The following SYT1 variants were observed in gnomAD, a reference collection of about 807,000 sequenced individuals.
SYT1 encodes synaptotagmin 1.
A neutral mutation model predicts 44.8 loss-of-function variants in SYT1; 8 were observed. The observed-to-expected ratio is 0.18, with a 90% CI of 0.10 to 0.32. The LOEUF (loss-of-function observed/expected upper bound fraction) is 0.32, where lower values mean the gene tolerates loss of function less well. SYT1 is among the 10% of genes least tolerant of loss of function. SYT1 has a pLI of 1.00. For missense variants in SYT1, 286 were observed against 509.3 expected, an observed-to-expected ratio of 0.56 and a Z score of 4.22; for synonymous variants, 154 against 188.8, an observed-to-expected ratio of 0.82 and a Z score of 1.51.
At chr12:79,312,433 G>C (rs1407641999) in intron 8 of SYT1, among the ~76,000 whole-genome samples, 29 of 152,128 alleles carry the variant, frequency 1.9e-4, no homozygotes, top group Admixed American at 1.9e-3. Flanking sequence ...TGTGATATTT[G>C]CATGGAACTG....
At chr12:79,069,791 A>G (rs1029633740) in intron 3 of SYT1, among the ~76,000 whole-genome samples, 11 of 152,034 alleles carry the variant, frequency 7.2e-5, no homozygotes, top group Non-Finnish European at 1.3e-4. Context: ...TTTTATTTTA[A>G]TGGGAGTAAA....
At chr12:78,958,265 A>G (rs557429863) in intron 1 of SYT1, among the ~76,000 whole-genome samples, 2 of 152,250 alleles carry the variant, frequency 1.3e-5, no homozygotes, top group African/African-American at 2.4e-5. Flanking sequence ...TCTTTTTAAA[A>G]TTTATTTCAC....
intron 3 of SYT1, among the ~76,000 whole-genome samples, chr12:79,069,550 T>C (rs1876121881): frequency 6.6e-6 from 1 of 151,696 alleles, no homozygotes; most frequent in South Asian, 2.1e-4. Flanking sequence ...ATTATAATAT[T>C]AATTTTAATA....
chr12:79,267,575 C>T lies in SYT1; in HGVS notation c.167-18212C>T, dbSNP rs148816761. Among the ~76,000 whole-genome samples, 11 of 152,302 alleles carry T rather than the reference C, an allele frequency of 7.2e-5. No homozygotes were observed. The East Asian group carries it at 2.1e-3, about 29-fold the overall frequency. On this transcript the variant is annotated intron_variant, in intron 4 of 10. Coordinates refer to ENST00000261205, the MANE Select transcript of SYT1 (RefSeq NM_005639.3). The stretch of plus-strand genomic sequence containing the variant: ...AGTTTTGAACTTAGAAATCAGAACT[C>T]AAGAAAGACATACTGAAAATTTCAT...
At chr12:79,346,540 T>C (rs1882615252) in intron 8 of SYT1, among the ~76,000 whole-genome samples, 1 of 152,176 alleles carries the variant, frequency 6.6e-6, no homozygotes, top group Non-Finnish European at 1.5e-5. Context: ...CATGAGATAA[T>C]CACACCAGCA....
intron 4 of SYT1, among the ~76,000 whole-genome samples, chr12:79,265,470 A>G (rs750579433): frequency 1.3e-5 from 2 of 152,160 alleles, no homozygotes; most frequent in African/African-American, 2.4e-5. Flanking sequence ...ATTAAGCCTG[A>G]TAGTACTATA....
At chr12:79,075,788 C>T (rs1007685270) in intron 3 of SYT1, among the ~76,000 whole-genome samples, 2 of 152,098 alleles carry the variant, frequency 1.3e-5, no homozygotes, top group Admixed American at 1.3e-4. Flanking sequence ...TAATTTTGCC[C>T]TCTCAGGATT....
chr12:79,077,218 A>G (rs1237669657), intron 3 of SYT1, among the ~76,000 whole-genome samples: 6 of 152,032 alleles, frequency 3.9e-5, no homozygotes, highest in African/African-American at 1.2e-4. Flanking sequence ...TTATTCCTAC[A>G]ACATTGCTAT....
intron 4 of SYT1, among the ~76,000 whole-genome samples, chr12:79,284,172 C>T (rs1472393837): frequency 6.6e-6 from 1 of 151,816 alleles, no homozygotes; most frequent in Non-Finnish European, 1.5e-5. Context: ...ATTATGAATA[C>T]TTCCCTTCCA....
At chr12:79,111,860 A>T (rs555769503) in intron 3 of SYT1, among the ~76,000 whole-genome samples, 25 of 152,154 alleles carry the variant, frequency 1.6e-4, no homozygotes, top group African/African-American at 5.5e-4. Flanking sequence ...TCATGTACCT[A>T]ATTTCATGTT....
chr12:78,953,597 T>C (rs1182545051), intron 1 of SYT1, among the ~76,000 whole-genome samples: 2 of 152,118 alleles, frequency 1.3e-5, no homozygotes, highest in East Asian at 1.9e-4. Flanking sequence ...CAAGAAGCAA[T>C]GTCTGAAAGA....
At chr12:78,923,041 A>G (rs1310721279) in intron 1 of SYT1, among the ~76,000 whole-genome samples, 1 of 151,924 alleles carries the variant, frequency 6.6e-6, no homozygotes, top group Non-Finnish European at 1.5e-5. Context: ...CTTCTTGCAC[A>G]CGATTGTGGT....
intron 4 of SYT1, among the ~76,000 whole-genome samples, chr12:79,218,621 T>C (rs553588606): frequency 3.9e-5 from 6 of 152,288 alleles, no homozygotes; most frequent in African/African-American, 1.4e-4. Context: ...AGTGAGATCA[T>C]GTATTATTTA....
chr12:79,122,028 T>C (rs377636639), intron 3 of SYT1, among the ~76,000 whole-genome samples: 1 of 152,256 alleles, frequency 6.6e-6, no homozygotes, highest in Non-Finnish European at 1.5e-5. Context: ...TTGTCATTGC[T>C]TTCAGCACTT....
intron 8 of SYT1, among the ~76,000 whole-genome samples, chr12:79,350,718 G>C (rs1262316186): frequency 6.6e-6 from 1 of 152,050 alleles, no homozygotes; most frequent in African/African-American, 2.4e-5. Context: ...TCAAACTTTT[G>C]GTAGACAATT....
At chr12:79,291,937 T>C in intron 5 of SYT1, 71 bp from the exon 6 acceptor site, 2 of 1,591,508 alleles carry the variant, frequency 1.3e-6, no homozygotes, top group Non-Finnish European at 1.7e-6. Flanking sequence ...GAAGTGTAAC[T>C]ACAGGCCCAG....
chr12:79,123,309 A>ATGTGTGTGTGTGTGTGTGTGTGTG (rs66869713), intron 3 of SYT1, among the ~76,000 whole-genome samples: 9 of 141,634 alleles, frequency 6.4e-5, no homozygotes, highest in African/African-American at 2.3e-4. Flanking sequence ...TAAAAATGCA[A>ATGTGTGTGTGTGTGTGTGTGTGTG]TGTGTGTGTG....
chr12:79,156,442 C>T (rs571301962), intron 3 of SYT1, among the ~76,000 whole-genome samples: 10 of 141,900 alleles, frequency 7.0e-5, no homozygotes, highest in South Asian at 2.2e-4. Flanking sequence ...GTTGTTGCTG[C>T]TGTTGTTGTT....
intron 8 of SYT1, among the ~76,000 whole-genome samples, chr12:79,324,354 T>C (rs984419484): frequency 5.3e-5 from 8 of 152,168 alleles, no homozygotes; most frequent in South Asian, 2.1e-4. Context: ...CAGTATATTA[T>C]GGTTGAAGAA....
Sources: allele counts gnomAD v4.1 joint callset (sites outside exome capture counted in the v4.1 genomes callset), GRCh38; gene constraint gnomAD v4.1.1; transcripts MANE v1.5; gene names NCBI Gene and HGNC (gene_info 2026-07-23, HGNC 2026-07-21).